The following PRKD3 variants were observed in gnomAD, a reference collection of about 807,000 sequenced individuals.
PRKD3 encodes protein kinase D3.
Under a neutral mutation model 99.2 loss-of-function variants are expected in PRKD3, and 47 were observed. That is an observed-to-expected ratio of 0.47 (90% CI 0.38 to 0.60). PRKD3 has a LOEUF of 0.60. PRKD3 is among the 20% of genes least tolerant of loss of function. The pLI is 0.00. For missense variants in PRKD3, 1,019 were observed against 1,088.4 expected, an observed-to-expected ratio of 0.94 and a Z score of 0.90; for synonymous variants, 392 against 355.4, an observed-to-expected ratio of 1.10 and a Z score of -1.16.
chr2:37,255,760 C>A (rs1210349959), intron 17 of PRKD3, among the ~76,000 whole-genome samples: 1 of 152,152 alleles, frequency 6.6e-6, no homozygotes, highest in East Asian at 1.9e-4. Flanking sequence ...AATCCCAGCA[C>A]TTTGGGAGGT....
chr2:37,266,991 C>T (rs1668887749), intron 14 of PRKD3, among the ~76,000 whole-genome samples: 1 of 152,122 alleles, frequency 6.6e-6, no homozygotes, highest in Non-Finnish European at 1.5e-5. Flanking sequence ...GAAATCATTG[C>T]CAATATATCT....
rs376990500 is a variant in PRKD3, at chr2:37,272,370, G to C, written c.1704+10C>G. On this transcript the variant is annotated intron_variant, in intron 12 of 18. Coordinates refer to ENST00000234179, the MANE Select transcript of PRKD3 (RefSeq NM_005813.6). The stretch of plus-strand genomic sequence containing the variant: ...ACCCAGTTTACACATTAGCTATAAC[G>C]ATTACTTACCACATTCTCCTGAATC... 6.2e-7 allele frequency: 1 copy of C among 1,603,332 alleles called. No homozygotes were observed. The highest frequency in any genetic ancestry group is 1.8e-5 in the Admixed American group (1 of 57,070).
At chr2:37,281,103 A>G (rs964211342) in intron 7 of PRKD3, among the ~76,000 whole-genome samples, 3 of 152,218 alleles carry the variant, frequency 2.0e-5, no homozygotes, top group African/African-American at 4.8e-5. Flanking sequence ...AAGATATACA[A>G]TAACAAGTGG....
chr2:37,292,981 A>G, intron 3 of PRKD3, 152 bp downstream of exon 3: 1 of 894,008 alleles, frequency 1.1e-6, no homozygotes, highest in Non-Finnish European at 1.6e-6. Context: ...ACATGCCTGA[A>G]AGGAAAAATC....
At chr2:37,300,475 C>T (rs1354074760) in intron 2 of PRKD3, among the ~76,000 whole-genome samples, 1 of 152,094 alleles carries the variant, frequency 6.6e-6, no homozygotes, top group African/African-American at 2.4e-5. Flanking sequence ...GATAGGTAGA[C>T]TACAGTTAAC....
At chr2:37,282,890 T>A (rs564052122) in intron 6 of PRKD3, among the ~76,000 whole-genome samples, 1 of 152,210 alleles carries the variant, frequency 6.6e-6, no homozygotes, top group African/African-American at 2.4e-5. Flanking sequence ...TCTTTCCACA[T>A]CTCCCATGAG....
At chr2:37,311,876 G>C (rs1437040272) in intron 2 of PRKD3, among the ~76,000 whole-genome samples, 1 of 152,082 alleles carries the variant, frequency 6.6e-6, no homozygotes, top group Non-Finnish European at 1.5e-5. Flanking sequence ...GATTTAATTG[G>C]TCTAGGAAGG....
At chr2:37,295,500 G>C (rs547435695) in intron 2 of PRKD3, among the ~76,000 whole-genome samples, 5 of 152,178 alleles carry the variant, frequency 3.3e-5, no homozygotes, top group Non-Finnish European at 5.9e-5. Context: ...AAGCTGGGTA[G>C]AGAGAGGGCA....
At position 37,250,594 on chromosome 2, in the gene PRKD3, A is replaced by T. The variant is rs561619293; in HGVS notation, c.*2583T>A. ...AAATATAGCATTAGTTCCATTTACA[A>T]ATACTGTTTCCAAAATAGTTCTTTT... On this transcript the variant is annotated 3_prime_UTR_variant, in exon 19 of 19. Coordinates refer to ENST00000234179, the MANE Select transcript of PRKD3 (RefSeq NM_005813.6). 2 of 152,180 alleles carry T rather than the reference A, an allele frequency of 1.3e-5. No homozygotes were observed. The highest frequency in any genetic ancestry group is 2.9e-5 in the Non-Finnish European group (2 of 68,030). 9.4% of individuals were successfully genotyped at this position (152,180 alleles called of 1,614,324 possible). A position where few individuals can be genotyped will look rare whatever the true frequency, so the allele number is the denominator to read the frequency against.
chr2:37,256,852 T>C lies in PRKD3; in HGVS notation c.2223A>G (p.Ala741=). The change falls in exon 17 of 19, where the codon GCA becomes GCG. Residue 741 remains alanine, a synonymous_variant. Coordinates refer to ENST00000234179, the MANE Select transcript of PRKD3 (RefSeq NM_005813.6). ...TCCGGAGAACTTCAGGGGCTAAGTA[T>C]GCTGGAGTTCCTACCACAGATCTCC... ...SFRRSVVGTP[A]YLAPEVLRSK... is the part of the protein sequence containing the mutation. 1.2e-6 allele frequency: 2 copies of C among 1,614,086 alleles called. No individual in the cohort carries two copies. Among genetic ancestry groups the C allele is most frequent in the East Asian group, 4.5e-5 (2 of 44,878 alleles).
intron 2 of PRKD3, among the ~76,000 whole-genome samples, chr2:37,302,074 A>C (rs1670955278): frequency 6.6e-6 from 1 of 152,216 alleles, no homozygotes; most frequent in Non-Finnish European, 1.5e-5. Context: ...GAGGCTAGGA[A>C]ATGTGGAAGA....
Position 37,260,602 on chromosome 2 carries a change from T to C in PRKD3, c.1885-218A>G, listed in dbSNP as rs542216936. Among the ~76,000 whole-genome samples the C allele has an allele frequency of 2.0e-5, 3 of 152,354 alleles. No individual in the cohort carries two copies. In the East Asian group the frequency reaches 5.8e-4, roughly 29 times the overall value. On this transcript the variant is annotated intron_variant, in intron 14 of 18. Coordinates refer to ENST00000234179, the MANE Select transcript of PRKD3 (RefSeq NM_005813.6). Reference sequence around the variant, plus strand: ...GCCGCACTGAGGGGATAGAATGTTCTCCTAATTTGATTATATAATCACTCT... The same window carrying C: ...GCCGCACTGAGGGGATAGAATGTTCCCCTAATTTGATTATATAATCACTCT...
At chr2:37,253,414 G>C (rs1667672333) in intron 18 of PRKD3, 64 bp from the exon 19 acceptor site, 1 of 1,421,796 alleles carries the variant, frequency 7.0e-7, no homozygotes, top group Non-Finnish European at 9.5e-7. Context: ...CCTGGTTTTT[G>C]TTTTGTGTTT....
At chr2:37,323,085 CAGAA>C (rs939955683) in intron 1 of PRKD3, among the ~76,000 whole-genome samples, 4 of 151,698 alleles carry the variant, frequency 2.6e-5, no homozygotes, top group Non-Finnish European at 5.9e-5. Flanking sequence ...AATGTAATAT[CAGAA>C]AGTTTTATTT....
chr2:37,278,499 T>C (rs1420618833), intron 8 of PRKD3: 1 of 152,284 alleles, frequency 6.6e-6, no homozygotes, highest in African/African-American at 2.4e-5. Flanking sequence ...CAGATACTAA[T>C]TAAGAAAATG....
At position 37,314,887 on chromosome 2, in the gene PRKD3, G is replaced by A. The variant is rs1028874524; in HGVS notation, c.288+1350C>T. On this transcript the variant is annotated intron_variant, in intron 2 of 18. Coordinates refer to ENST00000234179, the MANE Select transcript of PRKD3 (RefSeq NM_005813.6). ...CTACGGAAGGATACAATGCTCTACAGGTCTACAGAAGTAAAGTTATTCTTA... is the reference window on the plus strand; with the variant it reads ...CTACGGAAGGATACAATGCTCTACAAGTCTACAGAAGTAAAGTTATTCTTA... Among the ~76,000 whole-genome samples, 4 of 152,238 alleles carry A rather than the reference G, an allele frequency of 2.6e-5. No individual in the cohort carries two copies. The East Asian group carries it at 7.7e-4, about 29-fold the overall frequency.
At chr2:37,305,119 A>G (rs1191578001) in intron 2 of PRKD3, among the ~76,000 whole-genome samples, 1 of 152,178 alleles carries the variant, frequency 6.6e-6, no homozygotes, top group Non-Finnish European at 1.5e-5. Context: ...AAAAAACAAC[A>G]TAGAATGACA....
chr2:37,324,128 A>G, intron 1 of PRKD3: 1 of 970,198 alleles, frequency 1.0e-6, no homozygotes, highest in Non-Finnish European at 1.2e-6. Context: ...CAATGCTGCA[A>G]CTAGCAAATC....
intron 18 of PRKD3, 124 bp from the exon 19 acceptor site, chr2:37,253,474 C>A: frequency 2.8e-6 from 2 of 727,080 alleles, no homozygotes; most frequent in Non-Finnish European, 4.4e-6. Flanking sequence ...AGGCGCTACT[C>A]ATAAGTATCT....
Sources: gnomAD v4.1 joint callset for allele counts (sites outside exome capture counted in the v4.1 genomes callset) on GRCh38, gnomAD v4.1.1 for gene constraint, MANE v1.5 for transcripts, NCBI Gene and HGNC (gene_info 2026-07-23, HGNC 2026-07-21) for gene names.